The following CCDC14 variants were observed in gnomAD, a reference collection of about 807,000 sequenced individuals.
The protein encoded by CCDC14 is coiled-coil domain-containing protein 14.
CCDC14 carries 71 observed loss-of-function variants against 81.4 expected under a neutral mutation model. The observed-to-expected ratio is 0.87, with a 90% CI of 0.72 to 1.06. CCDC14 has a LOEUF of 1.06. CCDC14 is among the 50% of genes least tolerant of loss of function. The pLI is 0.00. For synonymous variants in CCDC14, 332 were observed against 364.8 expected (o/e 0.91, Z 1.03); for missense variants, 1,046 against 1,047.3 (o/e 1.00, Z 0.02).
downstream of CCDC14, among the ~76,000 whole-genome samples, chr3:123,908,967 A>G (rs1259584375): frequency 1.3e-5 from 2 of 152,044 alleles, no homozygotes; most frequent in African/African-American, 2.4e-5. Flanking sequence ...CCTAAAAAAA[A>G]GAAAGATTAA....
the CCDC14 span, among the ~76,000 whole-genome samples, chr3:123,888,357 A>G: frequency 6.6e-6 from 1 of 152,222 alleles, no homozygotes; most frequent in African/African-American, 2.4e-5. Flanking sequence ...GATTTGGTCC[A>G]GACAGTTTTT....
At chr3:123,926,782 A>G (rs554974335) in intron 12 of CCDC14, among the ~76,000 whole-genome samples, 6 of 152,092 alleles carry the variant, frequency 3.9e-5, no homozygotes, top group Non-Finnish European at 8.8e-5. Flanking sequence ...CTCCTCCCCC[A>G]AAGTCTGAGA....
chr3:123,898,843 A>G (rs536168187), intron 5 of CCDC14, among the ~76,000 whole-genome samples: 4 of 150,534 alleles, frequency 2.7e-5, no homozygotes, highest in Admixed American at 1.3e-4. Flanking sequence ...GCCTGCCACA[A>G]TGCCCTGCTA....
chr3:123,941,761 A>G (rs1219399548), intron 9 of CCDC14, among the ~76,000 whole-genome samples: 1 of 152,080 alleles, frequency 6.6e-6, no homozygotes, highest in Non-Finnish European at 1.5e-5. Context: ...CATCAAACAA[A>G]TACCTTTTAA....
Position 123,915,170 on chromosome 3 carries a change from T to A in CCDC14, c.2327A>T (p.Lys776Ile). 1 of 1,613,954 alleles carries A rather than the reference T, an allele frequency of 6.2e-7. No individual in the cohort carries two copies. Among genetic ancestry groups the A allele is most frequent in the East Asian group, 2.2e-5 (1 of 44,892 alleles). The change falls in exon 13 of 13, where the codon AAA becomes ATA. Residue 776 changes from lysine to isoleucine, a missense_variant. Transcript: ENST00000409697. ...GGAACAGATTACAGGTGTACACAGT[T>A]TATTTTCTTTTCCAGAGACAGCAAG... ...SGLAVSGKEN[K>I]LCTPVICSSS...
chr3:123,919,060 C>T (rs1284380454), intron 12 of CCDC14, among the ~76,000 whole-genome samples: 1 of 151,974 alleles, frequency 6.6e-6, no homozygotes, highest in Non-Finnish European at 1.5e-5. Flanking sequence ...ACTGAGAGGG[C>T]GAGCGGTAAC....
rs1481981169 is a variant in CCDC14 at position 123,919,697 on chromosome 3, T to C, written c.1779-3979A>G. Among the ~76,000 whole-genome samples the C allele has an allele frequency of 2.0e-5, 3 of 152,218 alleles. No homozygotes were observed. The East Asian group carries it at 5.8e-4, about 29-fold the overall frequency. On this transcript the variant is annotated intron_variant, in intron 12 of 12. Transcript: ENST00000409697. ...AGAGAACCCAACAGCAAGGTCTGCC[T>C]GCCTATAGTCACTACCAGATGGCCA...
chr3:123,911,149 T>G (rs2034434719), downstream of CCDC14, among the ~76,000 whole-genome samples: 1 of 152,226 alleles, frequency 6.6e-6, no homozygotes, highest in Admixed American at 6.5e-5. Context: ...TCTTTGGGTA[T>G]AACAGTGAGA....
downstream of CCDC14, among the ~76,000 whole-genome samples, chr3:123,896,981 G>C (rs796456612): frequency 3.9e-5 from 6 of 152,158 alleles, no homozygotes; most frequent in African/African-American, 1.4e-4. Context: ...TATCACTTTA[G>C]ATCAGCACCC....
chr3:123,936,243 G>GA (rs879566309), intron 9 of CCDC14, among the ~76,000 whole-genome samples: 6 of 151,736 alleles, frequency 4.0e-5, no homozygotes, highest in Admixed American at 3.3e-4. Context: ...GATAAAAACA[G>GA]AAAAAAGGAT....
intron 5 of CCDC14, among the ~76,000 whole-genome samples, chr3:123,904,436 A>G (rs183391814): frequency 2.0e-5 from 3 of 152,156 alleles, no homozygotes; most frequent in Non-Finnish European, 4.4e-5. Flanking sequence ...GAAGGTGTTG[A>G]TGAAAAAAAT....
Position 123,913,551 on chromosome 3 carries a change from CTT to C in CCDC14, c.*1226_*1227del, listed in dbSNP as rs964536335. On this transcript the variant is annotated 3_prime_UTR_variant, in exon 13 of 13. Transcript: ENST00000409697. ...ATAAAATTAAAGATGCTAATGGACT[CTT>C]GTGTGAAATAGTTTAGAATTCACTT... is the stretch of plus-strand genomic sequence containing the variant. 1 of 980,618 alleles carries C rather than the reference CTT, an allele frequency of 1.0e-6. No homozygotes were observed. Among genetic ancestry groups the C allele is most frequent in the Non-Finnish European group, 1.2e-6 (1 of 826,024 alleles). 60.7% of individuals were successfully genotyped at this position (980,618 alleles called of 1,614,324 possible). A position where few individuals can be genotyped will look rare whatever the true frequency, so the allele number is the denominator to read the frequency against.
chr3:123,956,398 T>C lies in CCDC14; in HGVS notation c.116A>G (p.Asn39Ser), dbSNP rs1348180648. 3 of 1,547,626 alleles carry C rather than the reference T, an allele frequency of 1.9e-6. No individual in the cohort carries two copies. In the East Asian group the frequency reaches 7.4e-5, roughly 38 times the overall value. Residue 39 changes from asparagine (N) to serine (S), a missense_variant, in exon 3 of 13, where the codon AAT becomes AGT. Physicochemically the swap from Asn to Ser is conservative, Grantham distance 46. Transcript: ENST00000409697. ...ATGGATGGAATAGCCAGAATCTGCA[T>C]TAAAACGTGGTATTTTTCTTAAATA... The part of the protein sequence containing the change: ...ATYLRKIPRF[N>S]ADSGYSIHSD...
Position 123,946,938 on chromosome 3 carries a change from C to T in CCDC14, c.1066G>A (p.Asp356Asn), listed in dbSNP as rs772854039. The part of the protein sequence containing the change: ...QIREATSERK[D>N]LNIHVRDTKT... ...GTATCTCGCACATGTATGTTTAAAT[C>T]CTTTCTTTCACTTGTGGCCTCTCTA... Residue 356 changes from aspartate to asparagine, a missense_variant, in exon 8 of 13, where the codon GAT becomes AAT. Transcript: ENST00000409697. The T allele has an allele frequency of 4.3e-6, 7 of 1,613,908 alleles. No homozygotes were observed. The highest frequency in any genetic ancestry group is 1.1e-5 in the South Asian group (1 of 91,072).
Position 123,947,093 on chromosome 3 carries a change from T to G in CCDC14, c.911A>C (p.Gln304Pro), listed in dbSNP as rs1345000747. The G allele has an allele frequency of 8.1e-6, 13 of 1,614,034 alleles. No individual in the cohort carries two copies. Among genetic ancestry groups the G allele is most frequent in the Non-Finnish European group, 1.1e-5 (13 of 1,179,898 alleles). Reference sequence around the variant, plus strand: ...AGATCGAAAAAGAGACAAATATGTTTGAATACATTTTAGTAGGTCTGTTTC... The same window carrying G: ...AGATCGAAAAAGAGACAAATATGTTGGAATACATTTTAGTAGGTCTGTTTC... ...HKETDLLKCI[Q>P]TYLSLFRSHG... Residue 304 changes from glutamine to proline, a missense_variant, in exon 8 of 13, where the codon CAA becomes CCA. By Grantham distance (76) the Gln-to-Pro change is moderately conservative. Transcript: ENST00000409697.
intron 5 of CCDC14, among the ~76,000 whole-genome samples, chr3:123,905,449 C>T (rs1362582055): frequency 2.6e-5 from 4 of 152,034 alleles, no homozygotes; most frequent in South Asian, 2.1e-4. Flanking sequence ...GCTTGAAGAG[C>T]GGCTAACAAC....
At chr3:123,921,476 T>C (rs1187494206) in intron 12 of CCDC14, among the ~76,000 whole-genome samples, 2 of 152,164 alleles carry the variant, frequency 1.3e-5, no homozygotes, top group Non-Finnish European at 1.5e-5. Context: ...TCTGCAATTG[T>C]AAGAATATAT....
downstream of CCDC14, among the ~76,000 whole-genome samples, chr3:123,912,837 C>A (rs1373290163): frequency 2.6e-5 from 4 of 152,180 alleles, no homozygotes; most frequent in African/African-American, 7.2e-5. Flanking sequence ...TGACCCAAAT[C>A]TTCTAATTGT....
the CCDC14 span, among the ~76,000 whole-genome samples, chr3:123,891,134 C>T: frequency 2.6e-5 from 4 of 151,548 alleles, no homozygotes; most frequent in Admixed American, 2.6e-4. Context: ...CACCTAATCC[C>T]CAGGCTGCAC....
Sources: gnomAD v4.1 joint callset for allele counts (sites outside exome capture counted in the v4.1 genomes callset) on GRCh38, gnomAD v4.1.1 for gene constraint, MANE v1.5 for transcripts, NCBI Gene and HGNC (gene_info 2026-07-23, HGNC 2026-07-21) for gene names.